SLC39A11: variants seen among roughly 807,000 people sequenced by gnomAD.
SLC39A11 encodes zinc transporter ZIP11.
A neutral mutation model predicts 36.1 loss-of-function variants in SLC39A11; 33 were observed. That is an observed-to-expected ratio of 0.91 (90% CI 0.69 to 1.22). The LOEUF (loss-of-function observed/expected upper bound fraction) is 1.22. Among genes scored for constraint, SLC39A11 ranks in the 50% most tolerant of loss-of-function variants. The pLI is 0.00. For missense variants in SLC39A11, 432 were observed against 430.3 expected (o/e 1.00, Z -0.03); for synonymous variants, 166 against 170.3 (o/e 0.97, Z 0.20).
chr17:72,900,145 AAAGAAAGAAAAGAAAG>A (rs2082281392), intron 5 of SLC39A11, among the ~76,000 whole-genome samples: 1 of 25,056 alleles, frequency 4.0e-5, no homozygotes, highest in Non-Finnish European at 6.0e-5. Flanking sequence ...AAAGAAAAAG[AAAGAAAGAAAAGAAAG>A]AAAGAAAGAA....
chr17:72,755,449 G>C (rs77109647), intron 6 of SLC39A11, among the ~76,000 whole-genome samples: 1 of 152,208 alleles, frequency 6.6e-6, no homozygotes, highest in Non-Finnish European at 1.5e-5. Context: ...CAATGCCAGG[G>C]GAGTTGGGAG....
intron 6 of SLC39A11, among the ~76,000 whole-genome samples, chr17:72,788,489 C>T (rs559395638): frequency 6.6e-6 from 1 of 152,340 alleles, no homozygotes; most frequent in East Asian, 1.9e-4. Flanking sequence ...CACGACCAGG[C>T]AGCAGTCCCA....
intron 7 of SLC39A11, among the ~76,000 whole-genome samples, chr17:72,687,534 C>T (rs1482694113): frequency 1.3e-5 from 2 of 152,212 alleles, no homozygotes; most frequent in South Asian, 2.1e-4. Context: ...TGAGCCACCG[C>T]GCCTGGCCAG....
At chr17:72,670,372 A>C (rs1473771288) in intron 7 of SLC39A11, among the ~76,000 whole-genome samples, 1 of 140,434 alleles carries the variant, frequency 7.1e-6, no homozygotes, top group African/African-American at 2.8e-5. Flanking sequence ...CCCTGTCTCA[A>C]AAAAAAAAAA....
chr17:72,940,869 G>A (rs192296053), intron 5 of SLC39A11, among the ~76,000 whole-genome samples: 46 of 152,260 alleles, frequency 3.0e-4, no homozygotes, highest in Non-Finnish European at 5.4e-4. Flanking sequence ...AAGTCCTAAC[G>A]CCCAGTACCT....
intron 9 of SLC39A11, among the ~76,000 whole-genome samples, chr17:72,648,390 C>A (rs1188826656): frequency 1.3e-5 from 2 of 151,020 alleles, no homozygotes; most frequent in Admixed American, 1.3e-4. Context: ...TGGAACAAAG[C>A]AAACCCTTAC....
chr17:72,701,205 A>G (rs9905659), intron 7 of SLC39A11, among the ~76,000 whole-genome samples: 33,805 of 152,206 alleles, frequency 0.22, 4,018 homozygotes, highest in African/African-American at 0.32. Flanking sequence ...AATGCCTTCC[A>G]GGAGGTTAAA....
At chr17:72,779,722 C>T (rs1317103700) in intron 6 of SLC39A11, among the ~76,000 whole-genome samples, 1 of 152,208 alleles carries the variant, frequency 6.6e-6, no homozygotes, top group Non-Finnish European at 1.5e-5. Context: ...TCTCACTTAG[C>T]TCGCTTCTGC....
chr17:72,855,821 C>T (rs879932275), intron 5 of SLC39A11, among the ~76,000 whole-genome samples: 58 of 151,786 alleles, frequency 3.8e-4, no homozygotes, highest in African/African-American at 1.3e-3. Context: ...GGCGTGAACC[C>T]GGGAGGCGGA....
intron 3 of SLC39A11, among the ~76,000 whole-genome samples, chr17:73,057,707 G>A (rs1375482552): frequency 6.6e-6 from 1 of 152,324 alleles, no homozygotes; most frequent in East Asian, 1.9e-4. Context: ...GGAGGCCGAG[G>A]CGGGCAGATC....
chr17:72,984,203 T>C (rs560250913), intron 4 of SLC39A11, among the ~76,000 whole-genome samples: 1 of 152,148 alleles, frequency 6.6e-6, no homozygotes, highest in South Asian at 2.1e-4. Flanking sequence ...TCTTCCCCCA[T>C]GAAGCAGAAC....
At chr17:72,962,440 G>A (rs916050105) in intron 4 of SLC39A11, among the ~76,000 whole-genome samples, 2 of 152,166 alleles carry the variant, frequency 1.3e-5, no homozygotes, top group African/African-American at 2.4e-5. Context: ...TACGTTTCTT[G>A]CAACTAAGAA....
intron 5 of SLC39A11, among the ~76,000 whole-genome samples, chr17:72,934,308 G>C (rs1391526246): frequency 6.6e-6 from 1 of 152,144 alleles, no homozygotes; most frequent in Non-Finnish European, 1.5e-5. Context: ...GCAAGCCAGG[G>C]ACTGGGAGAA....
At chr17:72,865,621 C>G (rs2080264323) in intron 5 of SLC39A11, among the ~76,000 whole-genome samples, 1 of 151,630 alleles carries the variant, frequency 6.6e-6, no homozygotes, top group Non-Finnish European at 1.5e-5. Context: ...GCTGAAGACC[C>G]TCAAGGAAAA....
chr17:73,031,269 C>CAT (rs1421292763), intron 4 of SLC39A11, among the ~76,000 whole-genome samples: 1 of 152,178 alleles, frequency 6.6e-6, no homozygotes, highest in Non-Finnish European at 1.5e-5. Flanking sequence ...TAGGTCCTCT[C>CAT]ATATATATAC....
intron 7 of SLC39A11, among the ~76,000 whole-genome samples, chr17:72,665,396 T>TTTTTG (rs1555631655): frequency 1.6e-5 from 2 of 123,990 alleles, no homozygotes; most frequent in African/African-American, 5.7e-5. Context: ...GGTGTTTTTT[T>TTTTTG]TTTTTTTTTT....
At chr17:73,070,840 T>G (rs1357714476) in intron 3 of SLC39A11, among the ~76,000 whole-genome samples, 1 of 152,184 alleles carries the variant, frequency 6.6e-6, no homozygotes, top group Non-Finnish European at 1.5e-5. Flanking sequence ...GCCTTTCACT[T>G]TCTGCCATGA....
chr17:73,091,336 G>A (rs1212136774), intron 1 of SLC39A11, among the ~76,000 whole-genome samples: 10 of 152,052 alleles, frequency 6.6e-5, no homozygotes, highest in East Asian at 1.9e-4. Context: ...CCAGCTACTC[G>A]GGAGGCTGAG....
chr17:73,088,865 G>A, intron 1 of SLC39A11, 90 bp from the exon 2 acceptor site: 1 of 940,052 alleles, frequency 1.1e-6, no homozygotes, highest in Non-Finnish European at 1.7e-6. Context: ...CTGTGTGGGA[G>A]CTGGCCTCCC....
Sources: gnomAD v4.1 joint callset for allele counts (sites outside exome capture counted in the v4.1 genomes callset) on GRCh38, gnomAD v4.1.1 for gene constraint, MANE v1.5 for transcripts, NCBI Gene and HGNC (gene_info 2026-07-23, HGNC 2026-07-21) for gene names.